The following ILRUN variants were observed in gnomAD, a reference collection of about 807,000 sequenced individuals.
The protein encoded by ILRUN is inflammation and lipid regulator with UBA-like and NBR1-like domains, also known as protein ILRUN.
In ILRUN, 3 loss-of-function variants were observed where a neutral mutation model predicts 33.8. The observed-to-expected ratio is 0.09, with a 90% CI of 0.04 to 0.23. The LOEUF is 0.23. Ranked by LOEUF, ILRUN falls within the 10% of genes least tolerant of loss-of-function variation. ILRUN has a pLI of 1.00. For missense variants in ILRUN, 210 were observed against 375.1 expected, an observed-to-expected ratio of 0.56 and a Z score of 3.64; for synonymous variants, 124 against 138.9, an observed-to-expected ratio of 0.89 and a Z score of 0.75.
At chr6:34,672,133 C>T (rs1763129944) in intron 1 of ILRUN, among the ~76,000 whole-genome samples, 1 of 151,626 alleles carries the variant, frequency 6.6e-6, no homozygotes, top group Admixed American at 6.6e-5. Flanking sequence ...GATGGAGTCT[C>T]GCTCTGTCGT....
At chr6:34,659,646 G>A (rs1236210727) in intron 1 of ILRUN, among the ~76,000 whole-genome samples, 7 of 109,454 alleles carry the variant, frequency 6.4e-5, no homozygotes, top group East Asian at 2.8e-4. Context: ...TTTTTTTAAC[G>A]GAGTCTCACT....
At chr6:34,590,664 A>C (rs1463872116) in intron 4 of ILRUN, 64 bp from the exon 5 acceptor site, 24 of 1,176,220 alleles carry the variant, frequency 2.0e-5, no homozygotes, top group Middle Eastern at 3.8e-4. Context: ...AACCAAACCA[A>C]GTGCAAGATC....
At position 34,618,230 on chromosome 6, in the gene ILRUN, A is replaced by G. The variant is rs573636662; in HGVS notation, c.512-11326T>C. 9.2e-5 allele frequency among the ~76,000 whole-genome samples: 14 copies of G among 152,344 alleles called. No individual in the cohort carries two copies. In the South Asian group the frequency reaches 2.3e-3, roughly 25 times the overall value. On this transcript the variant is annotated intron_variant, in intron 3 of 4. Transcript: ENST00000374023. ...TGGACTGGGAGGACAGACACAGATA[A>G]AGACAAGTACAAAGTTAAGAGGAAA...
intron 1 of ILRUN, among the ~76,000 whole-genome samples, chr6:34,676,138 A>G (rs1369112733): frequency 6.6e-6 from 1 of 152,144 alleles, no homozygotes; most frequent in Non-Finnish European, 1.5e-5. Flanking sequence ...AGCTGGGCAC[A>G]GGTAGCTCAT....
At position 34,686,318 on chromosome 6, in the gene ILRUN, G is replaced by A. The variant is rs113380484; in HGVS notation, c.158+10128C>T. ...GATCGAGACCATCCTGGCTAACACA[G>A]TGAAACCCTGTCTCTACAAAAATAC... On this transcript the variant is annotated intron_variant, in intron 1 of 4. Coordinates refer to ENST00000374023, the MANE Select transcript of ILRUN (RefSeq NM_024294.4). Among the ~76,000 whole-genome samples, 1,129 of 151,594 alleles carry A rather than the reference G, an allele frequency of 7.4e-3. 9 individuals are homozygous for A. Among genetic ancestry groups the A allele is most frequent in the Non-Finnish European group, 0.011 (753 of 67,848 alleles).
At chr6:34,650,310 A>AATTTTGC (rs1762634517) in intron 2 of ILRUN, among the ~76,000 whole-genome samples, 1 of 152,142 alleles carries the variant, frequency 6.6e-6, no homozygotes, top group African/African-American at 2.4e-5. Context: ...TGAATCCTAG[A>AATTTTGC]ATTTTGCATC....
At chr6:34,648,173 A>AAACTGTAGACAG (rs1762596018) in intron 2 of ILRUN, among the ~76,000 whole-genome samples, 1 of 152,222 alleles carries the variant, frequency 6.6e-6, no homozygotes, top group African/African-American at 2.4e-5. Context: ...CTGTAGACAG[A>AAACTGTAGACAG]AACTTCTATA....
chr6:34,629,126 G>T (rs897670075), intron 3 of ILRUN, among the ~76,000 whole-genome samples: 1 of 152,150 alleles, frequency 6.6e-6, no homozygotes, highest in East Asian at 1.9e-4. Context: ...AAAAGAGAAT[G>T]AGTATAATTC....
intron 3 of ILRUN, among the ~76,000 whole-genome samples, chr6:34,636,850 T>C (rs1762375796): frequency 1.3e-5 from 2 of 152,222 alleles, no homozygotes; most frequent in African/African-American, 4.8e-5. Flanking sequence ...TGGCACTTAC[T>C]AAAAACTCCC....
chr6:34,683,489 T>C (rs9766697), intron 1 of ILRUN, among the ~76,000 whole-genome samples: 1,932 of 90,822 alleles, frequency 0.021, 64 homozygotes, highest in African/African-American at 0.07. Flanking sequence ...TATATATACA[T>C]ATATATATAC....
At chr6:34,600,463 A>C (rs1761486214) in intron 4 of ILRUN, among the ~76,000 whole-genome samples, 1 of 152,178 alleles carries the variant, frequency 6.6e-6, no homozygotes. Context: ...TCTAATTCTA[A>C]AATACTCAGT....
intron 1 of ILRUN, among the ~76,000 whole-genome samples, chr6:34,664,174 T>A (rs1762950969): frequency 6.6e-6 from 1 of 152,194 alleles, no homozygotes; most frequent in Admixed American, 6.5e-5. Context: ...AATGTGTGCG[T>A]TTTTAAGTCA....
At chr6:34,611,117 T>TA (rs1554183502) in intron 3 of ILRUN, among the ~76,000 whole-genome samples, 2 of 149,102 alleles carry the variant, frequency 1.3e-5, no homozygotes, top group Non-Finnish European at 3.0e-5. Context: ...TTTTTTTTTT[T>TA]AATTAAATTT....
At chr6:34,682,538 G>A (rs1174236194) in intron 1 of ILRUN, among the ~76,000 whole-genome samples, 2 of 150,918 alleles carry the variant, frequency 1.3e-5, no homozygotes, top group African/African-American at 2.4e-5. Flanking sequence ...GATTACAGGG[G>A]TGAGCCACCG....
Position 34,588,352 on chromosome 6 carries a change from G to A in ILRUN, c.*2213C>T, listed in dbSNP as rs569915649. The A allele has an allele frequency of 2.8e-4, 113 of 397,686 alleles. No individual in the cohort carries two copies. The highest frequency in any genetic ancestry group is 2.0e-3 in the African/African-American group (99 of 48,752). 24.6% of individuals were successfully genotyped at this position (397,686 alleles called of 1,614,324 possible). On this transcript the variant is annotated 3_prime_UTR_variant, in exon 5 of 5. Transcript: ENST00000374023. ...ACGGTGGCCCATGAAGCCCCTGCTG[G>A]GAAACTGGGAAGGGGCACCCAGTGT... is the stretch of plus-strand genomic sequence containing the variant.
intron 2 of ILRUN, among the ~76,000 whole-genome samples, chr6:34,651,815 T>A (rs1465632688): frequency 7.3e-6 from 1 of 136,306 alleles, no homozygotes; most frequent in Non-Finnish European, 1.5e-5. Flanking sequence ...TTTTTTGAGA[T>A]GGAGTCTGGC....
intron 1 of ILRUN, among the ~76,000 whole-genome samples, chr6:34,676,473 T>C (rs1763237113): frequency 6.6e-6 from 1 of 151,334 alleles, no homozygotes; most frequent in African/African-American, 2.4e-5. Flanking sequence ...GCTAGCTAGC[T>C]AGCTAGATAG....
chr6:34,662,974 G>A (rs957977195), intron 1 of ILRUN, among the ~76,000 whole-genome samples: 1 of 151,954 alleles, frequency 6.6e-6, no homozygotes, highest in African/African-American at 2.4e-5. Flanking sequence ...TGCACCTATA[G>A]TCACAGCTAC....
At chr6:34,662,327 G>C (rs375230635) in intron 1 of ILRUN, among the ~76,000 whole-genome samples, 1 of 149,448 alleles carries the variant, frequency 6.7e-6, no homozygotes, top group Non-Finnish European at 1.5e-5. Flanking sequence ...AAAAGAAAAA[G>C]AAAAGAAAAA....
Sources: allele counts gnomAD v4.1 joint callset (sites outside exome capture counted in the v4.1 genomes callset), GRCh38; gene constraint gnomAD v4.1.1; transcripts MANE v1.5; gene names NCBI Gene and HGNC (gene_info 2026-07-23, HGNC 2026-07-21).